ADGRL3: variants seen among roughly 807,000 people sequenced by gnomAD.
The protein encoded by ADGRL3 is calcium-independent alpha-latrotoxin receptor 3.
Under a neutral mutation model 153.5 loss-of-function variants are expected in ADGRL3, and 62 were observed. The observed-to-expected ratio is 0.40, with a 90% CI of 0.33 to 0.50. ADGRL3 has a LOEUF of 0.50. Ranked by LOEUF, ADGRL3 falls within the 20% of genes least tolerant of loss-of-function variation. The pLI is 0.47. For synonymous variants in ADGRL3, 710 were observed against 672.5 expected, an observed-to-expected ratio of 1.06 and a Z score of -0.86; for missense variants, 1,641 against 1,859.4, an observed-to-expected ratio of 0.88 and a Z score of 2.16.
At chr4:61,328,688 C>T (rs2095511852) in intron 1 of ADGRL3, among the ~76,000 whole-genome samples, 1 of 152,052 alleles carries the variant, frequency 6.6e-6, no homozygotes, top group Admixed American at 6.6e-5. Context: ...ACTATATTTG[C>T]ATATTTCAAG....
At chr4:61,781,588 T>C (rs2152384400) in intron 8 of ADGRL3, among the ~76,000 whole-genome samples, 1 of 152,284 alleles carries the variant, frequency 6.6e-6, no homozygotes, top group East Asian at 1.9e-4. Flanking sequence ...CTAACTCCAA[T>C]TTAGAAATGA....
intron 3 of ADGRL3, among the ~76,000 whole-genome samples, chr4:61,504,718 TA>T (rs1228949215): frequency 6.6e-6 from 1 of 152,184 alleles, no homozygotes; most frequent in Non-Finnish European, 1.5e-5. Context: ...ATTAGTTTAA[TA>T]TTTTTTTTAT....
chr4:61,670,160 GTCATGCACC>G (rs1455279864), intron 5 of ADGRL3, among the ~76,000 whole-genome samples: 2 of 152,188 alleles, frequency 1.3e-5, no homozygotes, highest in African/African-American at 2.4e-5. Context: ...CAAGTGTGGT[GTCATGCACC>G]TTGAGTCCCA....
At chr4:61,549,152 T>C (rs2098728718) in intron 4 of ADGRL3, among the ~76,000 whole-genome samples, 1 of 152,018 alleles carries the variant, frequency 6.6e-6, no homozygotes, top group Non-Finnish European at 1.5e-5. Flanking sequence ...TGTTGGTATA[T>C]AGGTATGCTA....
At chr4:61,679,310 C>G (rs1220204273) in intron 6 of ADGRL3, among the ~76,000 whole-genome samples, 1 of 152,008 alleles carries the variant, frequency 6.6e-6, no homozygotes, top group Non-Finnish European at 1.5e-5. Flanking sequence ...ATATATCCTG[C>G]GTGGCCCATC....
chr4:62,025,555 AAT>A (rs1436300979), intron 21 of ADGRL3, among the ~76,000 whole-genome samples: 8 of 152,068 alleles, frequency 5.3e-5, no homozygotes, highest in Admixed American at 5.3e-4. Context: ...CTCCTTTTCG[AAT>A]ATGGGTAACT....
At chr4:61,919,819 G>A (rs1344806354) in intron 13 of ADGRL3, among the ~76,000 whole-genome samples, 1 of 152,152 alleles carries the variant, frequency 6.6e-6, no homozygotes, top group African/African-American at 2.4e-5. Context: ...AGGTTAGATA[G>A]AAATGGCTGC....
rs1319303743 is a variant in ADGRL3, at chr4:61,318,213, A to C, written c.-239-64911A>C. ...TGTCTCAAAAAAAAAAAAAAAAAAA[A>C]ACACAAAACACACACACACACACAC... On this transcript the variant is annotated intron_variant, in intron 1 of 26. Coordinates refer to ENST00000683033, the MANE Select transcript of ADGRL3 (RefSeq NM_001387552.1). 5.1e-3 allele frequency among the ~76,000 whole-genome samples: 750 copies of C among 147,278 alleles called. 5 individuals carry two copies. Among genetic ancestry groups the C allele is most frequent in the African/African-American group, 0.018 (705 of 38,820 alleles).
intron 4 of ADGRL3, among the ~76,000 whole-genome samples, 175 bp downstream of exon 4, chr4:61,517,693 A>G (rs1242098634): frequency 6.6e-6 from 1 of 152,088 alleles, no homozygotes; most frequent in Non-Finnish European, 1.5e-5. Context: ...TAAGGCTTAT[A>G]CAATGCATGC....
Position 61,364,287 on chromosome 4 carries a change from C to T in ADGRL3, c.-239-18837C>T, listed in dbSNP as rs201833763. On this transcript the variant is annotated intron_variant, in intron 1 of 26. Coordinates refer to ENST00000683033, the MANE Select transcript of ADGRL3 (RefSeq NM_001387552.1). ...GGCAGAGATTGCAGTGAGCCAAGATCGCACCACTGCACTCTAGCCTGGTGA... is the reference window on the plus strand; with the variant it reads ...GGCAGAGATTGCAGTGAGCCAAGATTGCACCACTGCACTCTAGCCTGGTGA... Among the ~76,000 whole-genome samples, 3 of 148,946 alleles carry T rather than the reference C, an allele frequency of 2.0e-5. No individual in the cohort carries two copies. In the East Asian group the frequency reaches 5.9e-4, roughly 29 times the overall value.
At chr4:61,871,092 C>T (rs942388971) in intron 9 of ADGRL3, among the ~76,000 whole-genome samples, 2 of 150,982 alleles carry the variant, frequency 1.3e-5, no homozygotes, top group South Asian at 2.1e-4. Context: ...TCCTGGCTAA[C>T]ACGGTGAAAC....
At chr4:61,247,285 C>G (rs1264822678) in intron 1 of ADGRL3, among the ~76,000 whole-genome samples, 1 of 151,982 alleles carries the variant, frequency 6.6e-6, no homozygotes, top group African/African-American at 2.4e-5. Context: ...CATTCTGTTG[C>G]AATTCAGAGA....
rs1248243542 is a variant in ADGRL3 at position 62,070,259 on chromosome 4, C to A, written c.3983C>A (p.Ala1328Asp). ...IDRGYNHNETALEKKILKELT... is the reference protein window; with the variant it reads ...IDRGYNHNETDLEKKILKELT... ...CGTGGCTATAACCATAACGAGACCG[C>A]CCTAGAGAAAAAGATTCTGAAGGAA... Residue 1328 changes from alanine to aspartate, a missense_variant, in exon 27 of 27, where the codon GCC becomes GAC. Ala to Asp is a moderately radical substitution (Grantham distance 126). This residue lies in a region of ADGRL3 where 517 missense variants were observed against 555.0 expected (regional missense o/e 0.93). Transcript: ENST00000683033. 3.7e-6 allele frequency: 6 copies of A among 1,606,992 alleles called. No homozygotes were observed. The Admixed American group carries it at 8.5e-5, about 23-fold the overall frequency.
chr4:61,227,438 G>C (rs893238885), intron 1 of ADGRL3, among the ~76,000 whole-genome samples: 3 of 152,014 alleles, frequency 2.0e-5, no homozygotes, highest in South Asian at 2.1e-4. Context: ...TGAACTCCTG[G>C]ACTCAAGCGA....
At chr4:61,838,687 A>G (rs1173499007) in intron 9 of ADGRL3, among the ~76,000 whole-genome samples, 1 of 152,206 alleles carries the variant, frequency 6.6e-6, no homozygotes, top group Non-Finnish European at 1.5e-5. Flanking sequence ...GTTTTATCAT[A>G]AGAAAAATCA....
intron 1 of ADGRL3, among the ~76,000 whole-genome samples, chr4:61,372,551 G>A (rs1163662472): frequency 6.6e-6 from 1 of 152,170 alleles, no homozygotes; most frequent in East Asian, 1.9e-4. Flanking sequence ...GGGGGTCAGG[G>A]GTCAGCGATC....
intron 1 of ADGRL3, among the ~76,000 whole-genome samples, chr4:61,205,691 GTCC>G (rs1287868034): frequency 6.6e-6 from 1 of 152,118 alleles, no homozygotes; most frequent in Admixed American, 6.5e-5. Flanking sequence ...TATGAGTAAG[GTCC>G]TCCTGACATT....
At chr4:61,390,076 A>G (rs923504213) in intron 2 of ADGRL3, among the ~76,000 whole-genome samples, 2 of 152,216 alleles carry the variant, frequency 1.3e-5, no homozygotes, top group African/African-American at 2.4e-5. Flanking sequence ...TTTGGTGTGT[A>G]TAGCTTTTCT....
intron 1 of ADGRL3, among the ~76,000 whole-genome samples, chr4:61,267,106 A>G (rs547863616): frequency 2.0e-5 from 3 of 151,920 alleles, no homozygotes; most frequent in East Asian, 3.9e-4. Context: ...ATAAATAAGT[A>G]GCATAATGAA....
Sources: gnomAD v4.1 joint callset for allele counts (sites outside exome capture counted in the v4.1 genomes callset) on GRCh38, gnomAD v4.1.1 for gene constraint, gnomAD v4.1.1 regional missense constraint, MANE v1.5 for transcripts, NCBI Gene and HGNC (gene_info 2026-07-23, HGNC 2026-07-21) for gene names.